Variants in SETD1B observed in about 807,000 individuals in gnomAD.
SETD1B encodes the protein SET domain containing 1B, histone lysine methyltransferase.
SETD1B carries 7 observed loss-of-function variants against 148.0 expected under a neutral mutation model. That is an observed-to-expected ratio of 0.05 (90% CI 0.03 to 0.09). SETD1B has a LOEUF of 0.09. Among genes scored for constraint, SETD1B ranks in the 10% least tolerant of loss-of-function variants. The probability of loss-of-function intolerance (pLI) is 1.00; values close to 1 mark genes in which losing one functional copy is unlikely to be tolerated. For missense variants in SETD1B, 2,155 were observed against 2,729.9 expected (o/e 0.79, Z 4.69); for synonymous variants, 1,361 against 1,186.5 (o/e 1.15, Z -3.02).
At chr12:121,800,128 C>T (rs1412058760), upstream of SETD1B, 1 of 152,094 alleles carries the variant, frequency 6.6e-6, no homozygotes, top group Non-Finnish European at 1.5e-5. Flanking sequence ...AACCCCGGCC[C>T]GGGCGGCGGC....
chr12:121,807,238 G>A (rs1875788555), intron 4 of SETD1B, among the ~76,000 whole-genome samples: 1 of 152,018 alleles, frequency 6.6e-6, no homozygotes, highest in South Asian at 2.1e-4. Context: ...TCCTCTCAGG[G>A]CACAGCCCTC....
In SETD1B at chr12:121,822,708, G is replaced by A. The variant is rs1876623367; in HGVS notation, c.4129G>A (p.Glu1377Lys). The A allele has an allele frequency of 1.3e-6, 2 of 1,531,678 alleles. No individual in the cohort carries two copies. Among genetic ancestry groups the A allele is most frequent in the African/African-American group, 1.4e-5 (1 of 72,618 alleles). The allele number at this position is 1,531,678 out of a possible 1,614,324, so 94.9% of individuals were successfully genotyped here. Residue 1377 changes from glutamate (E) to lysine (K), a missense_variant, in exon 12 of 17, where the codon GAG becomes AAG. This residue lies in a region of SETD1B where 862 missense variants were observed against 873.8 expected (regional missense o/e 0.99). Coordinates refer to ENST00000604567, the MANE Select transcript of SETD1B (RefSeq NM_001353345.2). ...CGSLAKSQSTETVPATPGGEP... is the reference protein window; with the variant it reads ...CGSLAKSQSTKTVPATPGGEP... ...CAGCCTGGCCAAGTCGCAGAGCACA[G>A]AGACGGTGCCAGCCACACCAGGCGG...
At chr12:121,794,544 G>T in the SETD1B span, among the ~76,000 whole-genome samples, 1 of 152,208 alleles carries the variant, frequency 6.6e-6, no homozygotes, top group Non-Finnish European at 1.5e-5. Flanking sequence ...CACCCACCAA[G>T]AAATGTAAGA....
At chr12:121,820,351 T>C (rs1051011044) in intron 11 of SETD1B, among the ~76,000 whole-genome samples, 1 of 152,216 alleles carries the variant, frequency 6.6e-6, no homozygotes, top group Non-Finnish European at 1.5e-5. Flanking sequence ...AGTAGAACTT[T>C]CCACAGTGAT....
upstream of SETD1B, chr12:121,799,359 G>A (rs1592965806): frequency 6.6e-6 from 1 of 152,250 alleles, no homozygotes; most frequent in South Asian, 2.1e-4. Flanking sequence ...CGTCAAGGAA[G>A]GCCCTTTCAT....
In SETD1B at chr12:121,828,058, C is replaced by T. The variant is rs941238367; in HGVS notation, c.5715C>T (p.Asn1905=). ...TKCGNFARFI[N]HSCNPNCYAK... ...GCGGCAACTTCGCGCGCTTCATCAA[C>T]CACAGCTGCAACGTGAGTGCCCAGC... The change falls in exon 16 of 17, where the codon AAC becomes AAT. Residue 1905 remains asparagine (N), a synonymous_variant. Transcript: ENST00000604567. 1.3e-6 allele frequency: 2 copies of T among 1,552,300 alleles called. No individual in the cohort carries two copies. Among genetic ancestry groups the T allele is most frequent in the African/African-American group, 2.7e-5 (2 of 73,210 alleles).
chr12:121,802,935 T>C (rs1012215765), upstream of SETD1B: 8 of 152,288 alleles, frequency 5.3e-5, no homozygotes, highest in Non-Finnish European at 7.3e-5. Context: ...GGCCTCTCCT[T>C]CGTGTCTGAT....
chr12:121,803,393 T>C (rs943854146), upstream of SETD1B: 2 of 152,212 alleles, frequency 1.3e-5, no homozygotes, highest in Non-Finnish European at 2.9e-5. The surrounding 1 kb of genome is among the most constrained non-coding windows in gnomAD (Gnocchi z 4.7). Context: ...GAAGAAGGCG[T>C]CTATCGCCCA....
At position 121,823,286 on chromosome 12, in the gene SETD1B, G is replaced by C. The variant is rs1168670125; in HGVS notation, c.4707G>C (p.Thr1569=). Residue 1569 remains threonine (T), a synonymous_variant, in exon 12 of 17, where the codon ACG becomes ACC. Transcript: ENST00000604567. ...TCCCCAGCACCCATGACCCCCGGAC[G>C]GTGACCCTGGACTTCCGGAACGCGG... ...PVFPSTHDPR[T]VTLDFRNAGI... The C allele has an allele frequency of 1.3e-6, 2 of 1,549,352 alleles. No homozygotes were observed. Among genetic ancestry groups the C allele is most frequent in the South Asian group, 1.2e-5 (1 of 84,048 alleles).
At chr12:121,827,128 A>T (rs1435713719) in intron 13 of SETD1B, among the ~76,000 whole-genome samples, 1 of 151,984 alleles carries the variant, frequency 6.6e-6, no homozygotes, top group African/African-American at 2.4e-5. Context: ...CCAAAGGTTA[A>T]TGGCTGGGGC....
At position 121,814,599 on chromosome 12, in the gene SETD1B, C is replaced by A; in HGVS notation, c.2384C>A (p.Pro795Gln). 6.5e-7 allele frequency: 1 copy of A among 1,536,726 alleles called. No individual in the cohort carries two copies. The change falls in exon 7 of 17, where the codon CCG becomes CAG. Residue 795 changes from proline (P) to glutamine (Q), a missense_variant. Coordinates refer to ENST00000604567, the MANE Select transcript of SETD1B (RefSeq NM_001353345.2). ...LMTGQGACPY[P>Q]PFMAAAAAAA... ...ACGGGCCAGGGCGCCTGCCCCTACC[C>A]GCCCTTCATGGCCGCTGCGGCCGCC...
Position 121,822,944 on chromosome 12 carries a change from C to T in SETD1B, c.4365C>T (p.Arg1455=), listed in dbSNP as rs543934117. The T allele has an allele frequency of 7.9e-5, 122 of 1,537,732 alleles. 1 individual carries two copies. In the South Asian group the frequency reaches 8.1e-4, roughly 10 times the overall value. The change falls in exon 12 of 17, where the codon CGC becomes CGT. Residue 1455 remains arginine (R), a synonymous_variant. Coordinates refer to ENST00000604567, the MANE Select transcript of SETD1B (RefSeq NM_001353345.2). ...LPVCPLPTGR[R]DERSGPLASP... ...TCTGCCCACTCCCCACTGGCCGACG[C>T]GATGAACGCTCCGGGCCCCTGGCCT... is the stretch of plus-strand genomic sequence containing the variant.
At position 121,810,511 on chromosome 12, in the gene SETD1B, G is replaced by C. The variant is rs956471624; in HGVS notation, c.1566G>C (p.Ser522=). Residue 522 remains serine, a synonymous_variant, in exon 6 of 17, where the codon TCG becomes TCC. Transcript: ENST00000604567. The surrounding 1 kb of genome is among the most constrained non-coding windows in gnomAD (Gnocchi z 7.6). ...TKLLFLREPD[S]DTELQMEGSP... Reference sequence around the variant, plus strand: ...TGCTCTTCCTGAGGGAGCCGGACTCGGACACCGAGCTGCAGATGGAGGGCA... The same window carrying C: ...TGCTCTTCCTGAGGGAGCCGGACTCCGACACCGAGCTGCAGATGGAGGGCA... 6.5e-6 allele frequency: 10 copies of C among 1,546,114 alleles called. No individual in the cohort carries two copies. Among genetic ancestry groups the C allele is most frequent in the African/African-American group, 1.4e-5 (1 of 73,152 alleles).
At chr12:121,820,631 TC>T (rs113323448) in intron 11 of SETD1B, among the ~76,000 whole-genome samples, 1,572 of 152,328 alleles carry the variant, frequency 0.01, 23 homozygotes, top group African/African-American at 0.036. Context: ...CCTCCCAGGT[TC>T]ACGCCATTCT....
chr12:121,814,454 C>G lies in SETD1B; in HGVS notation c.2239C>G (p.Pro747Ala). Residue 747 changes from proline (P) to alanine (A), a missense_variant, in exon 7 of 17, where the codon CCC becomes GCC. This residue lies in a region of SETD1B where 295 missense variants were observed against 303.8 expected (regional missense o/e 0.97). Coordinates refer to ENST00000604567, the MANE Select transcript of SETD1B (RefSeq NM_001353345.2). ...CCCACCCATCCTGCCACCACTGCCCCCCTTTCCGCCGGGCCTGTTCCCTGT... is the reference window on the plus strand; with the variant it reads ...CCCACCCATCCTGCCACCACTGCCCGCCTTTCCGCCGGGCCTGTTCCCTGT... ...PPPPILPPLP[P>A]FPPGLFPVMQ... 6.9e-7 allele frequency: 1 copy of G among 1,446,608 alleles called. No individual in the cohort carries two copies. Among genetic ancestry groups the G allele is most frequent in the Non-Finnish European group, 9.1e-7 (1 of 1,096,982 alleles). The allele number at this position is 1,446,608 out of a possible 1,614,324, so 89.6% of individuals were successfully genotyped here.
rs965948467 is a variant in SETD1B, at chr12:121,827,599, C to G, written c.5418C>G (p.Ser1806=). ...ERRSEQRRLL[S]SFTGSCDSDL... is the part of the protein sequence containing the mutation. ...GTTCGGAGCAGCGCCGCCTGCTGTC[C>G]TCCTTCACTGGCAGCTGTGACAGTG... is the stretch of plus-strand genomic sequence containing the variant. The change falls in exon 14 of 17, where the codon TCC becomes TCG. Residue 1806 remains serine, a synonymous_variant. Coordinates refer to ENST00000604567, the MANE Select transcript of SETD1B (RefSeq NM_001353345.2). 4.5e-6 allele frequency: 7 copies of G among 1,551,300 alleles called. No homozygotes were observed. The African/African-American group carries it at 8.2e-5, about 18-fold the overall frequency.
chr12:121,793,038 C>T, the SETD1B span: 3 of 902,698 alleles, frequency 3.3e-6, no homozygotes, highest in East Asian at 2.6e-5. Context: ...AGTGAAGAGC[C>T]GGCCAAGGCC....
intron 5 of SETD1B, among the ~76,000 whole-genome samples, 153 bp from the exon 6 acceptor site, chr12:121,809,450 A>G (rs1316061978): frequency 6.6e-6 from 1 of 151,682 alleles, no homozygotes; most frequent in Admixed American, 6.6e-5. Context: ...CCATCCTGAC[A>G]CTCCTCCTCA....
Position 121,810,629 on chromosome 12 carries a change from T to A in SETD1B, c.1684T>A (p.Ser562Thr). The change falls in exon 6 of 17, where the codon TCA becomes ACA. Residue 562 changes from serine (S) to threonine (T), a missense_variant. Ser to Thr is a moderately conservative substitution (Grantham distance 58). Transcript: ENST00000604567. This position sits in a 1 kb window ranked among gnomAD's most constrained non-coding sequence, Gnocchi z 7.6. ...CTTCCGGGGCCCCACGCCCCCCTCGTCACGCCCCTCCAGCACCGGCCTGGA... is the reference window on the plus strand; with the variant it reads ...CTTCCGGGGCCCCACGCCCCCCTCGACACGCCCCTCCAGCACCGGCCTGGA... ...PGFRGPTPPS[S>T]RPSSTGLEDI... 6.5e-7 allele frequency: 1 copy of A among 1,548,446 alleles called. No homozygotes were observed. The highest frequency in any genetic ancestry group is 8.7e-7 in the Non-Finnish European group (1 of 1,146,428).
Sources: allele counts gnomAD v4.1 joint callset (sites outside exome capture counted in the v4.1 genomes callset), GRCh38; gene constraint gnomAD v4.1.1; regional missense constraint gnomAD v4.1.1; non-coding constraint Gnocchi (gnomAD v3.1); transcripts MANE v1.5; gene names NCBI Gene and HGNC (gene_info 2026-07-23, HGNC 2026-07-21).